The following DDX47 variants were observed in gnomAD, a reference collection of about 807,000 sequenced individuals.
DDX47 encodes DEAD-box helicase 47.
In DDX47, 60 loss-of-function variants were observed where a neutral mutation model predicts 58.8. That is an observed-to-expected ratio of 1.02 (90% CI 0.83 to 1.26). The LOEUF (loss-of-function observed/expected upper bound fraction) is 1.26. DDX47 is among the 50% of genes most tolerant of loss of function. The pLI, the probability that DDX47 is intolerant of heterozygous loss-of-function variation, is 0.00. For synonymous variants in DDX47, 197 were observed against 204.6 expected, an observed-to-expected ratio of 0.96 and a Z score of 0.32; for missense variants, 530 against 573.2, an observed-to-expected ratio of 0.92 and a Z score of 0.77.
In DDX47 at chr12:12,823,310, T is replaced by C; in HGVS notation, c.741T>C (p.Ser247=). ...KLQQYYIFIP[S]KFKDTYLVYI... The stretch of plus-strand genomic sequence containing the variant: ...AGCAATATTATATTTTTATTCCCTC[T>C]AAATTCAAGGTAAAATGTTTACTTT... Residue 247 remains serine (S), a synonymous_variant, in exon 7 of 12, where the codon TCT becomes TCC. Transcript: ENST00000358007. The C allele has an allele frequency of 6.4e-7, 1 of 1,550,768 alleles. No homozygotes were observed. Among genetic ancestry groups the C allele is most frequent in the Non-Finnish European group, 8.9e-7 (1 of 1,122,354 alleles).
chr12:12,821,500 C>A, intron 3 of DDX47, 104 bp downstream of exon 3: 1 of 1,456,970 alleles, frequency 6.9e-7, no homozygotes, highest in Non-Finnish European at 9.6e-7. Flanking sequence ...ATTTATTGAC[C>A]TAAAGAGCTA....
chr12:12,813,534 C>A, intron 1 of DDX47, 80 bp downstream of exon 1: 1 of 1,278,344 alleles, frequency 7.8e-7, no homozygotes, highest in South Asian at 1.3e-5. Context: ...AGATCCCGCT[C>A]TGATAGTGTA....
chr12:12,822,644 T>A lies in DDX47; in HGVS notation c.562-17T>A. The A allele has an allele frequency of 6.2e-7, 1 of 1,611,582 alleles. No individual in the cohort carries two copies. The highest frequency in any genetic ancestry group is 8.5e-7 in the Non-Finnish European group (1 of 1,177,962). Reference sequence around the variant, plus strand: ...GTCTGAATATCATATTGGCATCTTTTCCTCTTTGTGCTTTAGGTTGACAAG... The same window carrying A: ...GTCTGAATATCATATTGGCATCTTTACCTCTTTGTGCTTTAGGTTGACAAG... On this transcript the variant is annotated splice_polypyrimidine_tract_variant and intron_variant, in intron 5 of 11. Transcript: ENST00000358007.
intron 2 of DDX47, chr12:12,820,837 C>T: frequency 3.8e-6 from 1 of 261,340 alleles, no homozygotes. Flanking sequence ...ATTCTCTTTC[C>T]TCTTACAGGA....
Position 12,825,855 on chromosome 12 carries a change from A to G in DDX47, c.1036-145A>G, listed in dbSNP as rs115185616. ...AAAAAGATGAAGTAGATTTGTCTCA[A>G]CAAATTGCCCCGGCCATTTATTTTC... On this transcript the variant is annotated intron_variant, in intron 9 of 11. Transcript: ENST00000358007. 1.3e-3 allele frequency: 766 copies of G among 591,454 alleles called. 9 individuals carry two copies. In the African/African-American group the frequency reaches 0.013, roughly 10 times the overall value. 36.6% of individuals were successfully genotyped at this position (591,454 alleles called of 1,614,324 possible).
chr12:12,825,899 T>C (rs1863045357), intron 9 of DDX47, 101 bp from the exon 10 acceptor site: 2 of 825,160 alleles, frequency 2.4e-6, no homozygotes, highest in Non-Finnish European at 1.8e-6. Flanking sequence ...ACGAAATGAA[T>C]CTATTTTCTT....
intron 11 of DDX47, among the ~76,000 whole-genome samples, chr12:12,827,876 C>CTTT (rs58725534): frequency 7.5e-6 from 1 of 132,778 alleles, no homozygotes; most frequent in African/African-American, 2.8e-5. Flanking sequence ...TTTCTTTTTT[C>CTTT]TTTTTTTTTT....
intron 3 of DDX47, 85 bp from the exon 4 acceptor site, chr12:12,821,570 A>G: frequency 6.9e-7 from 1 of 1,459,548 alleles, no homozygotes; most frequent in Non-Finnish European, 9.6e-7. Context: ...ATCTAAGTAG[A>G]AATCTGGCAT....
chr12:12,824,744 T>G (rs770114327), intron 9 of DDX47, 67 bp downstream of exon 9: 1 of 1,507,816 alleles, frequency 6.6e-7, no homozygotes, highest in East Asian at 2.3e-5. Context: ...GTCTTCTGTC[T>G]TTCCTTAGTT....
intron 1 of DDX47, 84 bp downstream of exon 1, chr12:12,813,538 T>G: frequency 7.9e-7 from 1 of 1,260,100 alleles, no homozygotes. Context: ...CCCGCTCTGA[T>G]AGTGTACAAA....
Position 12,813,364 on chromosome 12 carries a change from C to T in DDX47, c.-4C>T, listed in dbSNP as rs750367790. On this transcript the variant is annotated 5_prime_UTR_variant, in exon 1 of 12. Transcript: ENST00000358007. The stretch of plus-strand genomic sequence containing the variant: ...CAGACCCACTTCCGGAGACCTCACA[C>T]AAGATGGCGGCACCCGAGGAACACG... The T allele has an allele frequency of 1.4e-5, 23 of 1,612,930 alleles. No individual in the cohort carries two copies. The highest frequency in any genetic ancestry group is 2.0e-5 in the Non-Finnish European group (23 of 1,179,432).
intron 2 of DDX47, among the ~76,000 whole-genome samples, chr12:12,815,134 G>A (rs1862877557): frequency 6.6e-6 from 1 of 152,138 alleles, no homozygotes; most frequent in Non-Finnish European, 1.5e-5. Context: ...TGTAATCATA[G>A]CAATTGTTAT....
In DDX47 at chr12:12,814,242, G is replaced by T. The variant is rs769724065; in HGVS notation, c.181+18G>T. The T allele has an allele frequency of 2.0e-6, 3 of 1,471,856 alleles. No individual in the cohort carries two copies. The highest frequency in any genetic ancestry group is 4.5e-5 in the East Asian group (2 of 44,058). 91.2% of individuals were successfully genotyped at this position (1,471,856 alleles called of 1,614,324 possible). ...CTTACAAGGTAGGTTGTATGACTTC[G>T]TACAGATTTAATATAAAGTTATCTC... On this transcript the variant is annotated intron_variant, in intron 2 of 11. Coordinates refer to ENST00000358007, the MANE Select transcript of DDX47 (RefSeq NM_016355.4).
chr12:12,826,180 GAAAAC>G, intron 10 of DDX47, 110 bp downstream of exon 10: 9 of 808,994 alleles, frequency 1.1e-5, no homozygotes, highest in Admixed American at 3.1e-5. Flanking sequence ...CTTTCATACT[GAAAAC>G]CAGGATGAAG....
Position 12,821,946 on chromosome 12 carries a change from C to T in DDX47, c.443-19C>T, listed in dbSNP as rs745880212. ...CCTGTTCTGAAATGTCACTGTTTCT[C>T]CTCAACCTTTCTTGGTAGCAACTCC... On this transcript the variant is annotated intron_variant, in intron 4 of 11. Transcript: ENST00000358007. 3 of 1,531,934 alleles carry T rather than the reference C, an allele frequency of 2.0e-6. No individual in the cohort carries two copies. The highest frequency in any genetic ancestry group is 2.3e-5 in the South Asian group (2 of 88,720). 94.9% of individuals were successfully genotyped at this position (1,531,934 alleles called of 1,614,324 possible). A position where few individuals can be genotyped will look rare whatever the true frequency, so the allele number is the denominator to read the frequency against.
chr12:12,818,614 G>T lies in DDX47; in HGVS notation c.182-2594G>T, dbSNP rs572414787. 3.3e-5 allele frequency among the ~76,000 whole-genome samples: 5 copies of T among 152,232 alleles called. No homozygotes were observed. The South Asian group carries it at 1.0e-3, about 32-fold the overall frequency. The stretch of plus-strand genomic sequence containing the variant: ...TGGAAAACACTGATGTTAATGAAAA[G>T]AAGGCTAAAGAATAGAATTCACTAG... On this transcript the variant is annotated intron_variant, in intron 2 of 11. Coordinates refer to ENST00000358007, the MANE Select transcript of DDX47 (RefSeq NM_016355.4).
chr12:12,821,489 A>G (rs1279763675), intron 3 of DDX47, 93 bp downstream of exon 3: 21 of 1,508,222 alleles, frequency 1.4e-5, no homozygotes, highest in Non-Finnish European at 1.8e-5. Flanking sequence ...TTGCTAGCAT[A>G]ATTTATTGAC....
intron 9 of DDX47, chr12:12,825,218 C>G (rs1382624244): frequency 6.5e-6 from 1 of 153,048 alleles, no homozygotes. Context: ...CTGCCCACCT[C>G]GGCCTCCCAA....
intron 11 of DDX47, among the ~76,000 whole-genome samples, chr12:12,828,602 A>C (rs1360085408): frequency 6.6e-6 from 1 of 152,168 alleles, no homozygotes. Context: ...AACTTTGCCC[A>C]TAGTTTGTTT....
Sources: allele counts gnomAD v4.1 joint callset (sites outside exome capture counted in the v4.1 genomes callset), GRCh38; gene constraint gnomAD v4.1.1; transcripts MANE v1.5; gene names NCBI Gene and HGNC (gene_info 2026-07-23, HGNC 2026-07-21).